Variants in DNTT observed in about 807,000 individuals in gnomAD.
DNTT encodes DNA nucleotidylexotransferase.
DNTT carries 47 observed loss-of-function variants against 60.9 expected under a neutral mutation model. The ratio of observed to expected loss-of-function variants is 0.77; its 90% confidence interval spans 0.61 to 0.98. DNTT has a LOEUF of 0.98. Ranked by LOEUF, DNTT falls within the 50% of genes least tolerant of loss-of-function variation. The pLI is 0.00. For synonymous variants in DNTT, 224 were observed against 221.2 expected, an observed-to-expected ratio of 1.01 and a Z score of -0.11; for missense variants, 665 against 627.5, an observed-to-expected ratio of 1.06 and a Z score of -0.64.
chr10:96,336,228 A>T (rs1268465552), intron 10 of DNTT, among the ~76,000 whole-genome samples: 1 of 152,248 alleles, frequency 6.6e-6, no homozygotes, highest in Non-Finnish European at 1.5e-5. Flanking sequence ...CAAGTCCAGC[A>T]GTGAACATTA....
Position 96,327,579 on chromosome 10 carries a change from C to A in DNTT, c.986C>A (p.Thr329Asn). The change falls in exon 7 of 11, where the codon ACC becomes AAC. Residue 329 changes from threonine to asparagine, a missense_variant. By Grantham distance (65) the Thr-to-Asn change is moderately conservative. Coordinates refer to ENST00000371174, the MANE Select transcript of DNTT (RefSeq NM_004088.4). ...VWAFLPDAFV[T>N]MTGGFRRGKK... ...GCATTTCTTCCGGATGCTTTCGTCA[C>A]CATGACAGGAGGGTTCCGGAGGTAA... 6.2e-7 allele frequency: 1 copy of A among 1,613,796 alleles called. No homozygotes were observed. The highest frequency in any genetic ancestry group is 8.5e-7 in the Non-Finnish European group (1 of 1,179,882).
intron 5 of DNTT, 65 bp downstream of exon 5, chr10:96,322,793 T>G: frequency 5.9e-6 from 8 of 1,360,896 alleles, no homozygotes; most frequent in Non-Finnish European, 8.1e-6. Flanking sequence ...TTATTCTGGC[T>G]GGTTGTATTA....
intron 8 of DNTT, among the ~76,000 whole-genome samples, chr10:96,330,866 T>C (rs1199357205): frequency 6.6e-6 from 1 of 152,180 alleles, no homozygotes; most frequent in Non-Finnish European, 1.5e-5. Context: ...TCCAATTGCT[T>C]CTGATGATAG....
At chr10:96,315,712 C>A (rs949163333) in intron 1 of DNTT, among the ~76,000 whole-genome samples, 2 of 151,178 alleles carry the variant, frequency 1.3e-5, no homozygotes, top group Non-Finnish European at 2.9e-5. Context: ...AGGTAAAACT[C>A]TATTTATTGT....
At position 96,324,531 on chromosome 10, in the gene DNTT, G is replaced by A; in HGVS notation, c.874+142G>A. The A allele has an allele frequency of 2.2e-6, 3 of 1,342,734 alleles. No individual in the cohort carries two copies. In the South Asian group the frequency reaches 4.3e-5, roughly 19 times the overall value. The allele number at this position is 1,342,734 out of a possible 1,614,324, so 83.2% of individuals were successfully genotyped here. A position where few individuals can be genotyped will look rare whatever the true frequency, so the allele number is the denominator to read the frequency against. Reference sequence around the variant, plus strand: ...CATTGATGCTTGGATCTAAATCCTAGCTCCAGCAGTTTCCAGCTGTGTGAT... The same window carrying A: ...CATTGATGCTTGGATCTAAATCCTAACTCCAGCAGTTTCCAGCTGTGTGAT... On this transcript the variant is annotated intron_variant, in intron 6 of 10. Transcript: ENST00000371174.
At chr10:96,321,070 G>T (rs1222629756) in intron 4 of DNTT, among the ~76,000 whole-genome samples, 1 of 152,086 alleles carries the variant, frequency 6.6e-6, no homozygotes, top group African/African-American at 2.4e-5. Flanking sequence ...GTGGTGGCAG[G>T]TGTCAGAGTT....
intron 1 of DNTT, among the ~76,000 whole-genome samples, chr10:96,307,734 A>ATATATATATATATATAT (rs1564868534): frequency 6.9e-5 from 5 of 72,584 alleles, no homozygotes; most frequent in Admixed American, 1.8e-4. Context: ...TATATATATA[A>ATATATATATATATATAT]GCATATATAT....
At chr10:96,328,232 C>T (rs1477766445) in intron 7 of DNTT, among the ~76,000 whole-genome samples, 2 of 152,194 alleles carry the variant, frequency 1.3e-5, no homozygotes, top group Admixed American at 6.5e-5. Flanking sequence ...CTCCCACAGC[C>T]TCCTCTACCT....
chr10:96,306,150 G>A (rs1219357489), intron 1 of DNTT, among the ~76,000 whole-genome samples: 1 of 148,472 alleles, frequency 6.7e-6, no homozygotes, highest in Non-Finnish European at 1.5e-5. Flanking sequence ...TTGGAGTGCA[G>A]TGGCACAATC....
Position 96,338,229 on chromosome 10 carries a change from G to T in DNTT, c.*5G>T. 6.2e-7 allele frequency: 1 copy of T among 1,601,448 alleles called. No homozygotes were observed. The highest frequency in any genetic ancestry group is 8.5e-7 in the Non-Finnish European group (1 of 1,176,190). On this transcript the variant is annotated 3_prime_UTR_variant, in exon 11 of 11. Coordinates refer to ENST00000371174, the MANE Select transcript of DNTT (RefSeq NM_004088.4). ...CCGTGGGAAAGAAATGCCTAGGAAAGTGTTGTCAACATTTTTTTCCTATTC... is the reference window on the plus strand; with the variant it reads ...CCGTGGGAAAGAAATGCCTAGGAAATTGTTGTCAACATTTTTTTCCTATTC...
chr10:96,331,013 C>T (rs553823405), intron 8 of DNTT, among the ~76,000 whole-genome samples: 41 of 152,236 alleles, frequency 2.7e-4, no homozygotes, highest in African/African-American at 8.7e-4. Flanking sequence ...TCTCCTGTCC[C>T]CACATCTGCC....
intron 8 of DNTT, among the ~76,000 whole-genome samples, chr10:96,329,121 A>T (rs1487421161): frequency 1.3e-5 from 2 of 152,262 alleles, no homozygotes; most frequent in South Asian, 4.1e-4. Flanking sequence ...GCACCCAATC[A>T]AAGTGAAAAG....
In DNTT at chr10:96,335,931, G is replaced by A. The variant is rs147702836; in HGVS notation, c.1400G>A (p.Arg467Gln). 4.3e-4 allele frequency: 687 copies of A among 1,614,152 alleles called. 5 individuals carry two copies. Among genetic ancestry groups the A allele is most frequent in the East Asian group, 1.0e-3 (45 of 44,888 alleles). The part of the protein sequence containing the change: ...RDLRRYATHE[R>Q]KMILDNHALY... ...CTCCGGCGCTATGCCACACATGAGC[G>A]GAAGATGATTCTGGATAACCATGCT... is the stretch of plus-strand genomic sequence containing the variant. The change falls in exon 10 of 11, where the codon CGG (arginine) becomes CAG (glutamine). Residue 467 changes from arginine to glutamine, a missense_variant. By Grantham distance (43) the Arg-to-Gln change is conservative. Transcript: ENST00000371174.
chr10:96,320,841 G>A, intron 4 of DNTT, 53 bp downstream of exon 4: 9 of 1,599,166 alleles, frequency 5.6e-6, no homozygotes, highest in African/African-American at 1.3e-5. Flanking sequence ...TGGGAACGGG[G>A]GAGAGAGGGA....
intron 9 of DNTT, among the ~76,000 whole-genome samples, chr10:96,332,803 C>T (rs1845023792): frequency 6.6e-6 from 1 of 152,146 alleles, no homozygotes. Flanking sequence ...AGTGTGTGGT[C>T]CCCAACACCA....
At chr10:96,329,484 G>A (rs1342297850) in intron 8 of DNTT, among the ~76,000 whole-genome samples, 1 of 152,212 alleles carries the variant, frequency 6.6e-6, no homozygotes, top group Non-Finnish European at 1.5e-5. Flanking sequence ...AGACCAGAGG[G>A]TCCTACCCTT....
At chr10:96,334,550 C>A (rs1193283960) in intron 9 of DNTT, among the ~76,000 whole-genome samples, 4 of 152,184 alleles carry the variant, frequency 2.6e-5, no homozygotes, top group Admixed American at 6.5e-5. Flanking sequence ...ATGAATGACA[C>A]AACACAAATT....
At position 96,335,948 on chromosome 10, in the gene DNTT, A is replaced by T; in HGVS notation, c.1417A>T (p.Asn473Tyr). The change falls in exon 10 of 11, where the codon AAC (asparagine) becomes TAC (tyrosine). Residue 473 changes from asparagine (N) to tyrosine (Y), a missense_variant. Physicochemically the swap from Asn to Tyr is moderately radical, Grantham distance 143. Coordinates refer to ENST00000371174, the MANE Select transcript of DNTT (RefSeq NM_004088.4). Reference sequence around the variant, plus strand: ...ACATGAGCGGAAGATGATTCTGGATAACCATGCTTTATATGACAAGACCAA... The same window carrying T: ...ACATGAGCGGAAGATGATTCTGGATTACCATGCTTTATATGACAAGACCAA... ...ATHERKMILDNHALYDKTKRI... is the reference protein window; with the variant it reads ...ATHERKMILDYHALYDKTKRI... 1.2e-6 allele frequency: 2 copies of T among 1,614,212 alleles called. No individual in the cohort carries two copies. The highest frequency in any genetic ancestry group is 1.7e-6 in the Non-Finnish European group (2 of 1,180,020).
Position 96,320,576 on chromosome 10 carries a change from G to T in DNTT, c.508-42G>T, listed in dbSNP as rs1472528681. On this transcript the variant is annotated intron_variant, in intron 3 of 10. Coordinates refer to ENST00000371174, the MANE Select transcript of DNTT (RefSeq NM_004088.4). ...TTTGTGAGTGACCACTGGCTCAGGGGCTTGGAAGCAAATCTCCTGCTTATC... is the reference window on the plus strand; with the variant it reads ...TTTGTGAGTGACCACTGGCTCAGGGTCTTGGAAGCAAATCTCCTGCTTATC... 3.7e-6 allele frequency: 6 copies of T among 1,606,388 alleles called. No individual in the cohort carries two copies. The East Asian group carries it at 8.9e-5, about 24-fold the overall frequency.
Sources: allele counts gnomAD v4.1 joint callset (sites outside exome capture counted in the v4.1 genomes callset), GRCh38; gene constraint gnomAD v4.1.1; transcripts MANE v1.5; gene names NCBI Gene and HGNC (gene_info 2026-07-23, HGNC 2026-07-21).